Variants in SMC6 observed in about 807,000 individuals in gnomAD.
The protein encoded by SMC6 is structural maintenance of chromosomes protein 6.
SMC6 carries 79 observed loss-of-function variants against 142.2 expected under a neutral mutation model. The ratio of observed to expected loss-of-function variants is 0.56; its 90% confidence interval spans 0.46 to 0.67. The LOEUF is 0.67. Among genes scored for constraint, SMC6 ranks in the 30% least tolerant of loss-of-function variants. The pLI is 0.00. For missense variants in SMC6, 1,072 were observed against 1,284.0 expected (o/e 0.83, Z 2.52); for synonymous variants, 411 against 412.4 (o/e 1.00, Z 0.04).
chr2:17,695,842 G>A (rs1317413028), intron 22 of SMC6, among the ~76,000 whole-genome samples: 1 of 152,172 alleles, frequency 6.6e-6, no homozygotes, highest in Non-Finnish European at 1.5e-5. Context: ...CATCTGTTCT[G>A]GTTAGGACAA....
intron 24 of SMC6, 57 bp from the exon 25 acceptor site, chr2:17,679,021 T>C: frequency 8.4e-7 from 1 of 1,196,508 alleles, no homozygotes; most frequent in Non-Finnish European, 1.2e-6. Flanking sequence ...TTAAAAACTA[T>C]ATTCAGCATG....
intron 8 of SMC6, among the ~76,000 whole-genome samples, 190 bp downstream of exon 8, chr2:17,726,199 C>T (rs932473784): frequency 1.5e-5 from 2 of 132,048 alleles, no homozygotes; most frequent in African/African-American, 5.8e-5. Flanking sequence ...AAAGTAAAAA[C>T]AAAGATTTAA....
At chr2:17,713,520 G>A (rs1248335661) in intron 16 of SMC6, 2 of 471,158 alleles carry the variant, frequency 4.2e-6, no homozygotes, top group East Asian at 1.4e-4. Context: ...CTTCTTCAGA[G>A]TCTTTGTGTC....
chr2:17,753,380 C>A (rs1400454163), intron 1 of SMC6, among the ~76,000 whole-genome samples: 16 of 49,440 alleles, frequency 3.2e-4, no homozygotes, highest in Admixed American at 1.8e-3. Flanking sequence ...CCGGAGCAGA[C>A]GCCAGGTTTC....
intron 18 of SMC6, 50 bp from the exon 19 acceptor site, chr2:17,703,342 A>G (rs1242943560): frequency 3.9e-6 from 6 of 1,524,156 alleles, no homozygotes; most frequent in Non-Finnish European, 5.3e-6. Context: ...TTTTCTCAAT[A>G]TTACAAATAC....
rs776858984 is a variant in SMC6, at chr2:17,718,124, A to G, written c.1045T>C (p.Leu349=). The G allele has an allele frequency of 6.2e-7, 1 of 1,611,412 alleles. No homozygotes were observed. The highest frequency in any genetic ancestry group is 1.3e-5 in the African/African-American group (1 of 74,886). The change falls in exon 12 of 28, where the codon TTG becomes CTG. Residue 349 remains leucine (L), a synonymous_variant. Coordinates refer to ENST00000448223, the MANE Select transcript of SMC6 (RefSeq NM_001142286.2). ...TTCTTAGCAACAACATCTGCTTTCA[A>G]TGCCATACATTCTGGTGCTCGTGCA... The part of the protein sequence containing the change: ...TNARAPECMA[L]KADVVAKKRA...
At chr2:17,690,168 G>A (rs895989014) in intron 23 of SMC6, among the ~76,000 whole-genome samples, 1 of 152,166 alleles carries the variant, frequency 6.6e-6, no homozygotes, top group Non-Finnish European at 1.5e-5. Context: ...AGCAGACCAT[G>A]GAATTAAAAT....
chr2:17,705,334 T>TA (rs965487146), intron 18 of SMC6, among the ~76,000 whole-genome samples: 1 of 151,688 alleles, frequency 6.6e-6, no homozygotes, highest in African/African-American at 2.4e-5. Flanking sequence ...CTCAGCACTT[T>TA]AGGAGGTGGA....
intron 2 of SMC6, among the ~76,000 whole-genome samples, chr2:17,747,473 A>C (rs1263115835): frequency 6.6e-6 from 1 of 151,508 alleles, no homozygotes; most frequent in East Asian, 1.9e-4. Context: ...TTATATTAGA[A>C]ATTAAAACTA....
At chr2:17,691,689 C>A (rs1179080455) in intron 23 of SMC6, among the ~76,000 whole-genome samples, 4 of 151,808 alleles carry the variant, frequency 2.6e-5, no homozygotes, top group Admixed American at 6.6e-5. Context: ...ACTCCTATTC[C>A]ACATAGTGTT....
chr2:17,668,731 TG>T, intron 26 of SMC6, among the ~76,000 whole-genome samples: 1 of 151,552 alleles, frequency 6.6e-6, no homozygotes. Context: ...ATGAGTAGAG[TG>T]ACATGTGATT....
intron 9 of SMC6, among the ~76,000 whole-genome samples, chr2:17,723,140 C>T (rs1669455576): frequency 6.6e-6 from 1 of 152,074 alleles, no homozygotes; most frequent in Non-Finnish European, 1.5e-5. Flanking sequence ...TCTGTCTTAA[C>T]TTTACTTCTC....
At chr2:17,676,889 G>C (rs1207509123) in intron 25 of SMC6, among the ~76,000 whole-genome samples, 1 of 152,210 alleles carries the variant, frequency 6.6e-6, no homozygotes, top group Admixed American at 6.5e-5. Context: ...TTTGCATACT[G>C]ATTGTGTCTG....
intron 20 of SMC6, among the ~76,000 whole-genome samples, chr2:17,701,457 T>C (rs1420484713): frequency 6.6e-6 from 1 of 152,160 alleles, no homozygotes; most frequent in East Asian, 1.9e-4. Context: ...GACTAAAAGA[T>C]GATCCTGACA....
intron 25 of SMC6, among the ~76,000 whole-genome samples, chr2:17,672,679 A>G (rs1666818383): frequency 6.6e-6 from 1 of 152,192 alleles, no homozygotes; most frequent in African/African-American, 2.4e-5. Flanking sequence ...ACTCTTTTGT[A>G]CATATACTTC....
intron 16 of SMC6, among the ~76,000 whole-genome samples, chr2:17,711,767 T>C (rs886754884): frequency 5.3e-5 from 8 of 152,080 alleles, no homozygotes; most frequent in African/African-American, 1.9e-4. Flanking sequence ...CACAGGCACA[T>C]AGCACCATGC....
chr2:17,749,936 G>A (rs912510232), intron 2 of SMC6, among the ~76,000 whole-genome samples: 52 of 152,244 alleles, frequency 3.4e-4, no homozygotes, highest in African/African-American at 1.3e-3. Context: ...GCCCTGGCCT[G>A]TGTTTACCAC....
At chr2:17,700,074 A>G in intron 21 of SMC6, 134 bp downstream of exon 21, 1 of 523,516 alleles carries the variant, frequency 1.9e-6, no homozygotes, top group Non-Finnish European at 3.2e-6. Flanking sequence ...TTTGGTTCCC[A>G]CCATTCTTTA....
intron 7 of SMC6, among the ~76,000 whole-genome samples, chr2:17,727,029 G>C (rs939094475): frequency 3.9e-5 from 6 of 152,150 alleles, no homozygotes; most frequent in African/African-American, 1.4e-4. Flanking sequence ...TCCTTCATGA[G>C]GATATTGTAA....
Sources: allele counts gnomAD v4.1 joint callset (sites outside exome capture counted in the v4.1 genomes callset), GRCh38; gene constraint gnomAD v4.1.1; transcripts MANE v1.5; gene names NCBI Gene and HGNC (gene_info 2026-07-23, HGNC 2026-07-21).